DPP10: variants seen among roughly 807,000 people sequenced by gnomAD.
DPP10 encodes the protein dipeptidyl peptidase like 10, also known as inactive dipeptidyl peptidase 10.
DPP10 carries 33 observed loss-of-function variants against 120.9 expected under a neutral mutation model. The observed-to-expected ratio is 0.27, with a 90% confidence interval of 0.21 to 0.37. The LOEUF (loss-of-function observed/expected upper bound fraction) is 0.37, where lower values mean the gene tolerates loss of function less well. Among genes scored for constraint, DPP10 ranks in the 10% least tolerant of loss-of-function variants. The pLI, the probability that DPP10 is intolerant of heterozygous loss-of-function variation, is 1.00. For synonymous variants in DPP10, 337 were observed against 326.1 expected, an observed-to-expected ratio of 1.03 and a Z score of -0.36; for missense variants, 816 against 942.8, an observed-to-expected ratio of 0.87 and a Z score of 1.76.
chr2:115,724,369 T>A (rs1272801371), intron 7 of DPP10, among the ~76,000 whole-genome samples: 1 of 152,184 alleles, frequency 6.6e-6, no homozygotes, highest in Non-Finnish European at 1.5e-5. Context: ...AAAAATTGAC[T>A]CTTAAAGACT....
chr2:114,600,258 T>A (rs992262326), intron 1 of DPP10, among the ~76,000 whole-genome samples: 27 of 151,916 alleles, frequency 1.8e-4, no homozygotes, highest in African/African-American at 6.5e-4. Flanking sequence ...TAATTTTTAT[T>A]TCTGTGTATT....
At chr2:115,221,241 G>A (rs974420024) in intron 1 of DPP10, among the ~76,000 whole-genome samples, 1 of 152,096 alleles carries the variant, frequency 6.6e-6, no homozygotes. Context: ...TTCATGCATA[G>A]ATGTATTGAC....
intron 1 of DPP10, among the ~76,000 whole-genome samples, chr2:115,242,772 G>A (rs1209479959): frequency 2.6e-5 from 4 of 151,318 alleles, no homozygotes; most frequent in African/African-American, 9.7e-5. Context: ...GTGAGATTGA[G>A]CATTTTTTCA....
chr2:115,571,574 G>A (rs6542269), intron 5 of DPP10, among the ~76,000 whole-genome samples: 150,107 of 152,284 alleles, frequency 0.99, 74,017 homozygotes, highest in East Asian at 1. Flanking sequence ...TGTTAGCAAT[G>A]GAAGCATATT....
chr2:115,303,033 T>G (rs1335094863), intron 1 of DPP10, among the ~76,000 whole-genome samples: 1 of 152,008 alleles, frequency 6.6e-6, no homozygotes, highest in East Asian at 1.9e-4. Flanking sequence ...CCATGACTGT[T>G]TCTCCTAATA....
intron 1 of DPP10, among the ~76,000 whole-genome samples, chr2:114,522,236 G>A (rs1397730149): frequency 4.7e-5 from 7 of 149,906 alleles, no homozygotes; most frequent in Non-Finnish European, 7.4e-5. Context: ...CGCCCGCCTC[G>A]GCCTCCCAAA....
intron 1 of DPP10, among the ~76,000 whole-genome samples, chr2:114,947,197 T>C (rs1697428738): frequency 6.6e-6 from 1 of 152,100 alleles, no homozygotes. Flanking sequence ...TTGAGGCTAA[T>C]CAGCAACCTG....
chr2:115,240,411 GTA>G (rs1417268181), intron 1 of DPP10, among the ~76,000 whole-genome samples: 6 of 152,166 alleles, frequency 3.9e-5, no homozygotes, highest in African/African-American at 1.2e-4. Context: ...CTTTTGAGAA[GTA>G]TCTGTTCATA....
intron 1 of DPP10, among the ~76,000 whole-genome samples, chr2:115,160,089 A>G (rs557135129): frequency 2.6e-4 from 40 of 152,374 alleles, no homozygotes; most frequent in African/African-American, 9.4e-4. Context: ...GGGAATATCT[A>G]TATTGTCATA....
intron 1 of DPP10, among the ~76,000 whole-genome samples, chr2:114,890,324 T>C (rs535624200): frequency 3.9e-4 from 59 of 152,232 alleles, no homozygotes; most frequent in African/African-American, 1.2e-3. Context: ...AAAGGCAATT[T>C]ATACATGAAA....
At chr2:115,367,215 A>G (rs572875482) in intron 3 of DPP10, among the ~76,000 whole-genome samples, 9 of 151,794 alleles carry the variant, frequency 5.9e-5, no homozygotes, top group Admixed American at 2.6e-4. Context: ...CATGGCATAG[A>G]GTTTTTTTTA....
At chr2:114,655,808 A>G (rs1696925857) in intron 1 of DPP10, among the ~76,000 whole-genome samples, 1 of 152,170 alleles carries the variant, frequency 6.6e-6, no homozygotes, top group African/African-American at 2.4e-5. Context: ...TTTCACAGAC[A>G]CAAGCTATAG....
In DPP10 at chr2:114,929,159, T is replaced by A. The variant is rs10188276; in HGVS notation, c.61-380080T>A. Among the ~76,000 whole-genome samples, 615 of 152,002 alleles carry A rather than the reference T, an allele frequency of 4.0e-3. 1 individual carries two copies. The highest frequency in any genetic ancestry group is 0.015 in the African/African-American group (602 of 41,444). Reference sequence around the variant, plus strand: ...GAGGTAGGTACAAACAGGGAGTAAGTCACAAAGATCCCATGCTTGAACGGA... The same window carrying A: ...GAGGTAGGTACAAACAGGGAGTAAGACACAAAGATCCCATGCTTGAACGGA... On this transcript the variant is annotated intron_variant, in intron 1 of 25. Coordinates refer to ENST00000410059, the MANE Select transcript of DPP10 (RefSeq NM_020868.6).
intron 9 of DPP10, among the ~76,000 whole-genome samples, chr2:115,744,487 G>A (rs576312966): frequency 1.3e-5 from 2 of 150,464 alleles, no homozygotes; most frequent in South Asian, 4.2e-4. Flanking sequence ...TGCAAATTCT[G>A]ATCCAGAACC....
chr2:115,669,288 G>C (rs1211412630), intron 5 of DPP10, among the ~76,000 whole-genome samples: 3 of 152,080 alleles, frequency 2.0e-5, no homozygotes, highest in African/African-American at 4.8e-5. Context: ...AAGGTCAATA[G>C]CTTGATCTTC....
chr2:115,396,840 A>G (rs984725252), intron 3 of DPP10, among the ~76,000 whole-genome samples: 1 of 152,208 alleles, frequency 6.6e-6, no homozygotes, highest in African/African-American at 2.4e-5. Flanking sequence ...ATATCATTAA[A>G]GGAAAAACGA....
intron 1 of DPP10, among the ~76,000 whole-genome samples, chr2:114,551,702 C>G (rs1186059904): frequency 6.6e-6 from 1 of 152,178 alleles, no homozygotes; most frequent in Non-Finnish European, 1.5e-5. Context: ...TAGTGGACCC[C>G]TTTGCTTTAC....
intron 1 of DPP10, among the ~76,000 whole-genome samples, chr2:114,896,283 A>G (rs1250972515): frequency 6.6e-6 from 1 of 152,180 alleles, no homozygotes; most frequent in Non-Finnish European, 1.5e-5. Flanking sequence ...AGTCATTGGT[A>G]GCTTTATGGG....
chr2:115,333,278 A>G (rs905173755), intron 2 of DPP10, among the ~76,000 whole-genome samples: 5 of 152,084 alleles, frequency 3.3e-5, no homozygotes, highest in Admixed American at 2.6e-4. Flanking sequence ...TTTGCTTGGT[A>G]GATCTTCCTC....
Sources: allele counts gnomAD v4.1 joint callset (sites outside exome capture counted in the v4.1 genomes callset), GRCh38; gene constraint gnomAD v4.1.1; transcripts MANE v1.5; gene names NCBI Gene and HGNC (gene_info 2026-07-23, HGNC 2026-07-21).